RIMS1: variants seen among roughly 807,000 people sequenced by gnomAD.
The protein encoded by RIMS1 is regulating synaptic membrane exocytosis protein 1.
In RIMS1, 83 loss-of-function variants were observed where a neutral mutation model predicts 214.1. That is an observed-to-expected ratio of 0.39 (90% confidence interval 0.32 to 0.47). The LOEUF (loss-of-function observed/expected upper bound fraction) is 0.47. Among genes scored for constraint, RIMS1 ranks in the 20% least tolerant of loss-of-function variants. The pLI, the probability that RIMS1 is intolerant of heterozygous loss-of-function variation, is 0.99. For synonymous variants in RIMS1, 793 were observed against 786.8 expected, an observed-to-expected ratio of 1.01 and a Z score of -0.13; for missense variants, 2,050 against 2,161.8, an observed-to-expected ratio of 0.95 and a Z score of 1.03.
chr6:72,023,402 A>T (rs1475862938), intron 2 of RIMS1, among the ~76,000 whole-genome samples: 4 of 152,132 alleles, frequency 2.6e-5, no homozygotes, highest in Non-Finnish European at 5.9e-5. Flanking sequence ...AATAACTTAA[A>T]TTGTTACAAT....
rs760037793 is a variant in RIMS1 at position 72,123,864 on chromosome 6, GTC to G, written c.471+23882_471+23883del. On this transcript the variant is annotated intron_variant, in intron 4 of 33. Transcript: ENST00000521978. ...ATCCTTTTATTTTGAGGCTATGTGT[GTC>G]TCTGCATGTGAGATGGGTTTCCTGA... is the stretch of plus-strand genomic sequence containing the variant. Among the ~76,000 whole-genome samples, 71 of 151,872 alleles carry G rather than the reference GTC, an allele frequency of 4.7e-4. 2 individuals are homozygous for G. Among genetic ancestry groups the G allele is most frequent in the Middle Eastern group, 3.4e-3 (1 of 294 alleles).
intron 4 of RIMS1, among the ~76,000 whole-genome samples, chr6:72,146,191 A>C (rs746620608): frequency 1.3e-5 from 2 of 152,238 alleles, no homozygotes; most frequent in South Asian, 4.1e-4. Context: ...CTCTACAGCT[A>C]TCGGAAACTG....
chr6:72,089,037 C>T (rs974244781), intron 2 of RIMS1, among the ~76,000 whole-genome samples: 1 of 151,790 alleles, frequency 6.6e-6, no homozygotes, highest in African/African-American at 2.4e-5. Context: ...TATTGTTCAC[C>T]CCTGGTACAG....
At chr6:72,075,250 TA>T (rs1018781869) in intron 2 of RIMS1, among the ~76,000 whole-genome samples, 2 of 151,894 alleles carry the variant, frequency 1.3e-5, no homozygotes, top group East Asian at 1.9e-4. Flanking sequence ...CCTAGCTAAT[TA>T]AAAAAACAAA....
At chr6:72,261,287 T>A in intron 19 of RIMS1, 10 of 999,602 alleles carry the variant, frequency 1.0e-5, no homozygotes, top group Non-Finnish European at 1.1e-5. Context: ...TCTTTCTTGA[T>A]GAAAAGTGAA....
chr6:72,349,276 T>C (rs2097366703), intron 29 of RIMS1, among the ~76,000 whole-genome samples: 1 of 151,998 alleles, frequency 6.6e-6, no homozygotes, highest in African/African-American at 2.4e-5. Flanking sequence ...GTCAGTGCCA[T>C]AGGATGTTTT....
intron 10 of RIMS1, among the ~76,000 whole-genome samples, chr6:72,244,187 G>A (rs2068310480): frequency 6.6e-6 from 1 of 151,588 alleles, no homozygotes; most frequent in Non-Finnish European, 1.5e-5. Flanking sequence ...CCATCTTGAG[G>A]TATTGACTTT....
At chr6:72,125,312 G>C (rs1260676740) in intron 4 of RIMS1, among the ~76,000 whole-genome samples, 1 of 152,154 alleles carries the variant, frequency 6.6e-6, no homozygotes, top group East Asian at 1.9e-4. Context: ...ACCAGCAGAG[G>C]CTGCAGAACA....
intron 4 of RIMS1, among the ~76,000 whole-genome samples, chr6:72,130,528 G>A (rs932112256): frequency 6.6e-6 from 1 of 152,114 alleles, no homozygotes; most frequent in African/African-American, 2.4e-5. Flanking sequence ...TCTCCTTAGA[G>A]ACATGTGTTT....
chr6:72,115,597 G>A (rs2036918985), intron 4 of RIMS1, among the ~76,000 whole-genome samples: 1 of 151,662 alleles, frequency 6.6e-6, no homozygotes, highest in Non-Finnish European at 1.5e-5. Context: ...ATTTTTAAAG[G>A]CTTTTGCTGG....
At chr6:72,223,237 G>A (rs778313355) in intron 6 of RIMS1, among the ~76,000 whole-genome samples, 8 of 152,080 alleles carry the variant, frequency 5.3e-5, no homozygotes, top group African/African-American at 1.9e-4. Flanking sequence ...CCATCCTTTG[G>A]CAAGACTCTC....
At chr6:72,061,961 C>T (rs889951846) in intron 2 of RIMS1, among the ~76,000 whole-genome samples, 3 of 152,120 alleles carry the variant, frequency 2.0e-5, no homozygotes, top group Non-Finnish European at 2.9e-5. Flanking sequence ...GCAAGAACTA[C>T]GGGGATAACT....
At chr6:72,046,212 T>C (rs920181857) in intron 2 of RIMS1, among the ~76,000 whole-genome samples, 1 of 152,090 alleles carries the variant, frequency 6.6e-6, no homozygotes, top group Non-Finnish European at 1.5e-5. Context: ...AGTATCAGGT[T>C]TTCTATTTAC....
chr6:72,252,951 T>G, intron 16 of RIMS1, 119 bp downstream of exon 16: 1 of 695,506 alleles, frequency 1.4e-6, no homozygotes, highest in Non-Finnish European at 2.5e-6. Flanking sequence ...AAATCAGTAT[T>G]ATATTATTCC....
At chr6:72,064,891 T>C (rs893904615) in intron 2 of RIMS1, among the ~76,000 whole-genome samples, 3 of 152,208 alleles carry the variant, frequency 2.0e-5, no homozygotes, top group African/African-American at 7.2e-5. Flanking sequence ...TCCTGTTTTT[T>C]CTAGTGTATG....
intron 8 of RIMS1, 110 bp from the exon 9 acceptor site, chr6:72,237,713 C>T: frequency 2.7e-6 from 2 of 751,860 alleles, no homozygotes; most frequent in East Asian, 2.7e-5. Flanking sequence ...ATTAATGTTT[C>T]TACATGCAAT....
At chr6:72,146,211 C>A (rs1198379433) in intron 4 of RIMS1, among the ~76,000 whole-genome samples, 1 of 152,122 alleles carries the variant, frequency 6.6e-6, no homozygotes, top group African/African-American at 2.4e-5. Flanking sequence ...GGCATTGTCT[C>A]AAATATTTTT....
chr6:72,033,739 C>G (rs746708317), intron 2 of RIMS1, among the ~76,000 whole-genome samples: 1 of 152,136 alleles, frequency 6.6e-6, no homozygotes, highest in South Asian at 2.1e-4. Context: ...GCCTCAGCCT[C>G]CCAAAGTGCT....
At chr6:72,062,468 C>A (rs1357982554) in intron 2 of RIMS1, among the ~76,000 whole-genome samples, 1 of 152,098 alleles carries the variant, frequency 6.6e-6, no homozygotes, top group Non-Finnish European at 1.5e-5. Context: ...TTAAAAACAG[C>A]AGAAACCCCG....
Sources: allele counts gnomAD v4.1 joint callset (sites outside exome capture counted in the v4.1 genomes callset), GRCh38; gene constraint gnomAD v4.1.1; transcripts MANE v1.5; gene names NCBI Gene and HGNC (gene_info 2026-07-23, HGNC 2026-07-21).